Variants in DACH2 observed in about 807,000 individuals in gnomAD.
DACH2 encodes dachshund homolog 2.
A neutral mutation model predicts 35.8 loss-of-function variants in DACH2; 17 were observed. The ratio of observed to expected loss-of-function variants is 0.48; its 90% CI spans 0.33 to 0.71. The LOEUF (loss-of-function observed/expected upper bound fraction) is 0.71, where lower values mean the gene tolerates loss of function less well. Among genes scored for constraint, DACH2 ranks in the 30% least tolerant of loss-of-function variants. The pLI, the probability that DACH2 is intolerant of heterozygous loss-of-function variation, is 0.02. For synonymous variants in DACH2, 195 were observed against 177.3 expected (o/e 1.10, Z -0.79); for missense variants, 469 against 472.7 (o/e 0.99, Z 0.07).
chrX:86,380,055 C>T (rs1372589798), intron 2 of DACH2, among the ~76,000 whole-genome samples: 2 of 111,075 alleles, frequency 1.8e-5, no homozygotes, highest in East Asian at 2.8e-4. Context: ...CCAGCATAGA[C>T]ATATAAATAA....
At chrX:86,799,219 A>C in intron 7 of DACH2, 1 of 237,836 alleles carries the variant, frequency 4.2e-6, no homozygotes. Context: ...CATCATTGCC[A>C]CTGGCATCTT....
intron 6 of DACH2, among the ~76,000 whole-genome samples, chrX:86,717,126 T>G: frequency 8.9e-6 from 1 of 111,934 alleles, no homozygotes; most frequent in Non-Finnish European, 1.9e-5. Flanking sequence ...AGAAATATAT[T>G]TTGTCATATG....
intron 11 of DACH2, among the ~76,000 whole-genome samples, chrX:86,827,140 C>A (rs1221024245): frequency 1.8e-5 from 2 of 111,377 alleles, no homozygotes; most frequent in Non-Finnish European, 3.8e-5. Flanking sequence ...TAAATATAAA[C>A]CTCTAAACAC....
intron 2 of DACH2, among the ~76,000 whole-genome samples, chrX:86,501,998 CCTT>C (rs950815525): frequency 2.1e-5 from 2 of 93,393 alleles, no homozygotes; most frequent in African/African-American, 3.9e-5. Flanking sequence ...TTTGAATAAT[CCTT>C]CTTTCCTTCT....
intron 1 of DACH2, among the ~76,000 whole-genome samples, chrX:86,220,043 G>A (rs2032668801): frequency 9.9e-6 from 1 of 101,508 alleles, no homozygotes. Flanking sequence ...GTGCATGCCT[G>A]TAGTTCCAGC....
At chrX:86,316,372 C>T (rs961578474) in intron 1 of DACH2, among the ~76,000 whole-genome samples, 10 of 110,480 alleles carry the variant, frequency 9.1e-5, no homozygotes, top group African/African-American at 3.3e-4. Flanking sequence ...AGGAGACTCC[C>T]CACTCCTTCC....
At chrX:86,669,394 A>G (rs2040738047) in intron 4 of DACH2, among the ~76,000 whole-genome samples, 1 of 111,386 alleles carries the variant, frequency 9.0e-6, no homozygotes, top group African/African-American at 3.3e-5. Flanking sequence ...CTTAGTAGAT[A>G]CAAGAATTGG....
chrX:86,326,891 G>A (rs180880664), intron 1 of DACH2, among the ~76,000 whole-genome samples: 40 of 111,914 alleles, frequency 3.6e-4, no homozygotes, highest in Admixed American at 7.6e-4. Context: ...CCTTTTGTAT[G>A]TAATGAAGAC....
chrX:86,542,482 TA>T (rs2038898996), intron 3 of DACH2, among the ~76,000 whole-genome samples: 1 of 111,655 alleles, frequency 9.0e-6, no homozygotes. Context: ...ATGAGTCTGT[TA>T]CACCTTTGAT....
At chrX:86,327,817 A>T (rs993446443) in intron 1 of DACH2, among the ~76,000 whole-genome samples, 1 of 111,918 alleles carries the variant, frequency 8.9e-6, no homozygotes, top group Non-Finnish European at 1.9e-5. Context: ...TCTTCGTGGC[A>T]TATCAAGCTT....
chrX:86,638,247 A>G (rs1602727236), intron 3 of DACH2, among the ~76,000 whole-genome samples: 2 of 111,981 alleles, frequency 1.8e-5, no homozygotes, highest in African/African-American at 6.5e-5. Flanking sequence ...CTCTCACCAT[A>G]TGAAAAAACT....
chrX:86,376,796 T>C, intron 1 of DACH2, 28 bp from the exon 2 acceptor site: 1 of 1,114,527 alleles, frequency 9.0e-7, no homozygotes, highest in African/African-American at 1.8e-5. Flanking sequence ...GTTTTATTTA[T>C]TTATTTTCTG....
chrX:86,473,965 A>G (rs576453441), intron 2 of DACH2, among the ~76,000 whole-genome samples: 1 of 111,665 alleles, frequency 9.0e-6, no homozygotes, highest in South Asian at 3.7e-4. Context: ...CGGTTGTGGT[A>G]ATTTAAATTC....
At chrX:86,783,936 A>G (rs1201986268) in intron 7 of DACH2, among the ~76,000 whole-genome samples, 3 of 111,023 alleles carry the variant, frequency 2.7e-5, no homozygotes, top group Non-Finnish European at 5.7e-5. Flanking sequence ...TGATAGCACA[A>G]CAAGATGACT....
intron 3 of DACH2, among the ~76,000 whole-genome samples, chrX:86,649,148 G>A (rs1304603511): frequency 9.0e-6 from 1 of 110,598 alleles, no homozygotes; most frequent in East Asian, 2.8e-4. Flanking sequence ...AAAAATATGT[G>A]GGGAGTCTGG....
intron 1 of DACH2, among the ~76,000 whole-genome samples, chrX:86,173,514 T>G (rs751787957): frequency 3.6e-5 from 4 of 111,218 alleles, no homozygotes; most frequent in Non-Finnish European, 7.5e-5. Flanking sequence ...GTTAGGCAAG[T>G]AGAATCTGGG....
intron 7 of DACH2, among the ~76,000 whole-genome samples, chrX:86,785,655 T>A (rs762883195): frequency 3.4e-4 from 38 of 110,468 alleles, no homozygotes; most frequent in Admixed American, 8.7e-4. Flanking sequence ...AGAAGAGGAG[T>A]GGTGTGGTAG....
At chrX:86,307,166 A>G (rs942793681) in intron 1 of DACH2, among the ~76,000 whole-genome samples, 2 of 111,917 alleles carry the variant, frequency 1.8e-5, no homozygotes, top group African/African-American at 3.3e-5. Context: ...GGAAAAAATG[A>G]TGAAACAAAA....
intron 7 of DACH2, among the ~76,000 whole-genome samples, chrX:86,780,809 G>T (rs1469263953): frequency 1.8e-5 from 2 of 111,531 alleles, no homozygotes; most frequent in African/African-American, 6.5e-5. Flanking sequence ...AAGCAAACAG[G>T]CTTGTTGGGG....
Sources: gnomAD v4.1 joint callset for allele counts (sites outside exome capture counted in the v4.1 genomes callset) on GRCh38, gnomAD v4.1.1 for gene constraint, MANE v1.5 for transcripts, NCBI Gene and HGNC (gene_info 2026-07-23, HGNC 2026-07-21) for gene names.